SGCG: variants seen among roughly 807,000 people sequenced by gnomAD.
SGCG encodes sarcoglycan gamma.
Under a neutral mutation model 29.3 loss-of-function variants are expected in SGCG, and 26 were observed. The ratio of observed to expected loss-of-function variants is 0.89; its 90% CI spans 0.65 to 1.23. The LOEUF (loss-of-function observed/expected upper bound fraction) is 1.23. Ranked by LOEUF, SGCG falls within the 50% of genes most tolerant of loss-of-function variation. The probability of loss-of-function intolerance (pLI) is 0.00; values close to 1 mark genes in which losing one functional copy is unlikely to be tolerated. For missense variants in SGCG, 353 were observed against 356.0 expected (o/e 0.99, Z 0.07); for synonymous variants, 145 against 129.7 (o/e 1.12, Z -0.80).
intron 3 of SGCG, chr13:23,245,402 G>C (rs1879669541): frequency 6.6e-6 from 1 of 152,124 alleles, no homozygotes; most frequent in South Asian, 2.1e-4. Context: ...CTTATGTGAG[G>C]GTTCTCCAGG....
intron 6 of SGCG, among the ~76,000 whole-genome samples, chr13:23,305,903 T>C (rs545847697): frequency 9.8e-5 from 15 of 152,344 alleles, no homozygotes; most frequent in African/African-American, 3.4e-4. Flanking sequence ...GTTCTTGCTC[T>C]GCTGCCTGCC....
chr13:23,185,222 C>G (rs924986171), intron 1 of SGCG, among the ~76,000 whole-genome samples: 27 of 152,300 alleles, frequency 1.8e-4, no homozygotes, highest in African/African-American at 6.0e-4. Flanking sequence ...ATTCCATCAG[C>G]ATACCTGATC....
chr13:23,263,796 C>T (rs190188399), intron 4 of SGCG, among the ~76,000 whole-genome samples: 47 of 152,102 alleles, frequency 3.1e-4, no homozygotes, highest in Non-Finnish European at 3.5e-4. Flanking sequence ...AAATTTGATT[C>T]GTCACCTAAA....
chr13:23,249,153 T>C (rs1041146633), intron 3 of SGCG, among the ~76,000 whole-genome samples: 8 of 152,196 alleles, frequency 5.3e-5, no homozygotes, highest in African/African-American at 1.7e-4. Flanking sequence ...GTGATAGATA[T>C]TCCATTTAAC....
intron 6 of SGCG, among the ~76,000 whole-genome samples, chr13:23,297,225 C>CTTTT (rs1326637455): frequency 6.6e-5 from 8 of 120,362 alleles, no homozygotes; most frequent in African/African-American, 2.0e-4. Flanking sequence ...CACAGACAAT[C>CTTTT]TTTTATTTTT....
intron 4 of SGCG, among the ~76,000 whole-genome samples, chr13:23,251,594 G>A (rs977581637): frequency 1.3e-5 from 2 of 152,038 alleles, no homozygotes; most frequent in African/African-American, 4.8e-5. Context: ...ATCAGCCTGG[G>A]CAACATCTCT....
chr13:23,235,952 C>T (rs908680533), intron 3 of SGCG, among the ~76,000 whole-genome samples: 4 of 152,180 alleles, frequency 2.6e-5, no homozygotes, highest in Non-Finnish European at 4.4e-5. Flanking sequence ...AATGACATGG[C>T]ATGTGACTAA....
intron 3 of SGCG, among the ~76,000 whole-genome samples, chr13:23,247,593 T>A (rs940592668): frequency 6.6e-6 from 1 of 152,088 alleles, no homozygotes; most frequent in African/African-American, 2.4e-5. Flanking sequence ...TGTAGAATTT[T>A]AAAAGTGAGG....
chr13:23,317,231 A>C (rs1296508422), intron 6 of SGCG, among the ~76,000 whole-genome samples: 2 of 152,096 alleles, frequency 1.3e-5, no homozygotes. Context: ...TACACCACAG[A>C]GGTAAGGAAG....
At chr13:23,254,385 A>C (rs1429012987) in intron 4 of SGCG, among the ~76,000 whole-genome samples, 1 of 152,166 alleles carries the variant, frequency 6.6e-6, no homozygotes, top group East Asian at 1.9e-4. Flanking sequence ...CTAGGAACCT[A>C]TGGAAGTTTG....
At chr13:23,269,515 T>C (rs1880775486) in intron 4 of SGCG, among the ~76,000 whole-genome samples, 1 of 152,194 alleles carries the variant, frequency 6.6e-6, no homozygotes, top group Non-Finnish European at 1.5e-5. Context: ...GCCAGTCTTT[T>C]CCATTTTAGG....
rs60718653 is a variant in SGCG at position 23,225,780 on chromosome 13, TACACAC to T, written c.196-8808_196-8803del. Among the ~76,000 whole-genome samples, 328 of 148,650 alleles carry T rather than the reference TACACAC, an allele frequency of 2.2e-3. 2 individuals are homozygous for T. Among genetic ancestry groups the T allele is most frequent in the African/African-American group, 7.5e-3 (301 of 40,032 alleles). On this transcript the variant is annotated intron_variant, in intron 2 of 7. Transcript: ENST00000218867. ...CCAGGCCCTCTGAGAGGACATGTCA[TACACAC>T]ACACACACACACACACACACACCCC...
intron 1 of SGCG, among the ~76,000 whole-genome samples, chr13:23,187,523 G>C (rs1022706293): frequency 6.6e-6 from 1 of 152,216 alleles, no homozygotes; most frequent in African/African-American, 2.4e-5. Context: ...CCATTGCAGT[G>C]TGGCAGCCGG....
At chr13:23,227,835 A>C (rs1321381790) in intron 2 of SGCG, among the ~76,000 whole-genome samples, 1 of 152,122 alleles carries the variant, frequency 6.6e-6, no homozygotes, top group Non-Finnish European at 1.5e-5. Flanking sequence ...ATTCGAGACA[A>C]GGTCTCACTC....
chr13:23,304,268 C>A (rs1882281461), intron 6 of SGCG, among the ~76,000 whole-genome samples: 1 of 151,852 alleles, frequency 6.6e-6, no homozygotes, highest in South Asian at 2.1e-4. Flanking sequence ...TTTATTGTAT[C>A]TGGATTTTAA....
chr13:23,274,227 C>T (rs1382767390), intron 4 of SGCG, among the ~76,000 whole-genome samples: 2 of 152,060 alleles, frequency 1.3e-5, no homozygotes, highest in Admixed American at 6.6e-5. Context: ...TAAGTGGCTT[C>T]TCACTAAGTC....
At chr13:23,230,108 T>A (rs1388707679) in intron 2 of SGCG, among the ~76,000 whole-genome samples, 1 of 152,224 alleles carries the variant, frequency 6.6e-6, no homozygotes, top group South Asian at 2.1e-4. Flanking sequence ...TGTGGCCTTA[T>A]TTCTGGGCTC....
At chr13:23,281,820 G>A (rs1435510146) in intron 5 of SGCG, among the ~76,000 whole-genome samples, 7 of 152,128 alleles carry the variant, frequency 4.6e-5, no homozygotes, top group Non-Finnish European at 7.4e-5. Context: ...AGTAACGCTC[G>A]CTGGCCCACT....
intron 7 of SGCG, among the ~76,000 whole-genome samples, chr13:23,322,753 GCCCCCCACCCATCCACCTCCCCCCCCCC>G (rs1472948866): frequency 2.0e-4 from 2 of 9,996 alleles, no homozygotes; most frequent in Non-Finnish European, 2.0e-4. Flanking sequence ...TGCACAGACC[GCCCCCCACCCATCCACCTCCCCCCCCCC>G]CCCCCCCCGC....
Sources: allele counts gnomAD v4.1 joint callset (sites outside exome capture counted in the v4.1 genomes callset), GRCh38; gene constraint gnomAD v4.1.1; transcripts MANE v1.5; gene names NCBI Gene and HGNC (gene_info 2026-07-23, HGNC 2026-07-21).